Variants in BCAS3 observed in about 807,000 individuals in gnomAD.
BCAS3 encodes the protein BCAS3 microtubule associated cell migration factor.
A neutral mutation model predicts 116.1 loss-of-function variants in BCAS3; 53 were observed. The ratio of observed to expected loss-of-function variants is 0.46; its 90% CI spans 0.37 to 0.57. BCAS3 has a LOEUF of 0.57. BCAS3 is among the 20% of genes least tolerant of loss of function. BCAS3 has a pLI of 0.00. For missense variants in BCAS3, 917 were observed against 1,165.4 expected, an observed-to-expected ratio of 0.79 and a Z score of 3.10; for synonymous variants, 391 against 408.2, an observed-to-expected ratio of 0.96 and a Z score of 0.51.
intron 22 of BCAS3, chr17:61,086,907 T>C (rs1020685895): frequency 1.0e-6 from 1 of 985,408 alleles, no homozygotes. Context: ...TTTGAGTGAA[T>C]AATGTTTTGT....
intron 21 of BCAS3, among the ~76,000 whole-genome samples, chr17:61,079,172 A>T (rs1040726066): frequency 6.6e-6 from 1 of 152,108 alleles, no homozygotes; most frequent in Admixed American, 6.6e-5. Flanking sequence ...AGGGTGCAAC[A>T]GATAATGAAG....
chr17:60,679,963 C>G (rs774646382), intron 2 of BCAS3, among the ~76,000 whole-genome samples: 3 of 151,538 alleles, frequency 2.0e-5, no homozygotes, highest in African/African-American at 7.3e-5. Flanking sequence ...ACGGTGAAAC[C>G]CTGTCTCTAC....
At chr17:60,969,193 G>A (rs953684331) in intron 14 of BCAS3, among the ~76,000 whole-genome samples, 1 of 151,950 alleles carries the variant, frequency 6.6e-6, no homozygotes, top group African/African-American at 2.4e-5. Context: ...ATTTGTTTTT[G>A]GTTTTCTGCA....
rs147576720 is a variant in BCAS3, at chr17:60,796,040, C to T, written c.404-11964C>T. Among the ~76,000 whole-genome samples the T allele has an allele frequency of 7.9e-4, 121 of 152,278 alleles. 2 individuals carry two copies. The East Asian group carries it at 0.013, about 16-fold the overall frequency. On this transcript the variant is annotated intron_variant, in intron 6 of 23. Coordinates refer to ENST00000407086, the MANE Select transcript of BCAS3 (RefSeq NM_017679.5). The stretch of plus-strand genomic sequence containing the variant: ...ATGTGGTGTGTCACTTTTATTGACT[C>T]ACGTATGTTAAACCATCCCTGCATC...
At chr17:61,062,052 C>T (rs1195180804) in intron 19 of BCAS3, among the ~76,000 whole-genome samples, 1 of 152,096 alleles carries the variant, frequency 6.6e-6, no homozygotes, top group Non-Finnish European at 1.5e-5. Context: ...TTTTGTTTAT[C>T]GTTTTCCAAC....
chr17:61,311,252 G>T (rs2054281700), intron 22 of BCAS3, among the ~76,000 whole-genome samples: 1 of 152,180 alleles, frequency 6.6e-6, no homozygotes, highest in Non-Finnish European at 1.5e-5. Flanking sequence ...ACTATACAGA[G>T]AGTCCAGCTT....
At chr17:60,717,954 A>C (rs959462626) in intron 5 of BCAS3, among the ~76,000 whole-genome samples, 8 of 152,212 alleles carry the variant, frequency 5.3e-5, no homozygotes, top group African/African-American at 1.9e-4. Flanking sequence ...GGTGATGGGA[A>C]ACAGTGACAG....
intron 14 of BCAS3, among the ~76,000 whole-genome samples, chr17:60,976,901 A>G (rs1221537356): frequency 6.6e-6 from 1 of 152,090 alleles, no homozygotes; most frequent in Non-Finnish European, 1.5e-5. Flanking sequence ...CCCCTTTTCT[A>G]TTCGACAAAA....
chr17:61,005,284 T>C (rs2064586493), intron 15 of BCAS3, among the ~76,000 whole-genome samples: 1 of 152,104 alleles, frequency 6.6e-6, no homozygotes, highest in Admixed American at 6.6e-5. Flanking sequence ...TTGATTTTTT[T>C]CTTTTTCTTT....
intron 6 of BCAS3, among the ~76,000 whole-genome samples, chr17:60,771,915 A>T (rs1169553388): frequency 6.6e-6 from 1 of 152,168 alleles, no homozygotes; most frequent in Non-Finnish European, 1.5e-5. Context: ...ATAGTATTCC[A>T]TGGTATATAT....
chr17:61,258,775 ACT>A lies in BCAS3; in HGVS notation c.2426-109549_2426-109548del, dbSNP rs1308975313. The stretch of plus-strand genomic sequence containing the variant: ...TAGTTGATTTGGGAAGCCAGGCATC[ACT>A]CTGTGGAAGAACCACAGAACACTAG... On this transcript the variant is annotated intron_variant, in intron 22 of 23. Coordinates refer to ENST00000407086, the MANE Select transcript of BCAS3 (RefSeq NM_017679.5). The surrounding 1 kb of genome is among the most constrained non-coding windows in gnomAD (Gnocchi z 4.7). Among the ~76,000 whole-genome samples the A allele has an allele frequency of 6.6e-6, 1 of 152,316 alleles. No homozygotes were observed. The highest frequency in any genetic ancestry group is 6.5e-5 in the Admixed American group (1 of 15,308).
At chr17:60,968,034 T>C (rs2061752607) in intron 14 of BCAS3, among the ~76,000 whole-genome samples, 1 of 152,142 alleles carries the variant, frequency 6.6e-6, no homozygotes, top group Non-Finnish European at 1.5e-5. Flanking sequence ...GTCAGAGGGC[T>C]CACAGATCAC....
rs559821390 is a variant in BCAS3 at position 60,981,282 on chromosome 17, A to AT, written c.1222-8677dup. Among the ~76,000 whole-genome samples the AT allele has an allele frequency of 7.4e-3, 1,071 of 144,712 alleles. 4 individuals are homozygous for AT. The highest frequency in any genetic ancestry group is 0.015 in the Middle Eastern group (4 of 268). 94.9% of individuals were successfully genotyped at this position (144,712 alleles called of 152,430 possible). A position where few individuals can be genotyped will look rare whatever the true frequency, so the allele number is the denominator to read the frequency against. The stretch of plus-strand genomic sequence containing the variant: ...TTGTAGATGATAGTGTTTTAAGTGT[A>AT]TTTTTTTTTTTTCTTGAGACAGGGT... On this transcript the variant is annotated intron_variant, in intron 14 of 23. Transcript: ENST00000407086.
chr17:61,391,872 A>G lies in BCAS3; in HGVS notation c.2594-105A>G, dbSNP rs542311772. The stretch of plus-strand genomic sequence containing the variant: ...GGGGATCCCCCTGCGGAAGGACACA[A>G]GTGAACCCAGAATGGTGCCTCAAGG... On this transcript the variant is annotated intron_variant, in intron 23 of 23. Transcript: ENST00000407086. This position sits in a 1 kb window ranked among gnomAD's most constrained non-coding sequence, Gnocchi z 7.7. The G allele has an allele frequency of 3.8e-4, 486 of 1,282,990 alleles. 1 individual carries two copies. Among genetic ancestry groups the G allele is most frequent in the Non-Finnish European group, 5.1e-4 (469 of 921,246 alleles). 79.5% of individuals were successfully genotyped at this position (1,282,990 alleles called of 1,614,324 possible).
intron 6 of BCAS3, among the ~76,000 whole-genome samples, chr17:60,751,559 T>TCA (rs1269344822): frequency 1.6e-4 from 23 of 142,856 alleles, no homozygotes; most frequent in Admixed American, 1.4e-3. Context: ...TTTTTTTTTT[T>TCA]GAGATGGAGT....
intron 22 of BCAS3, among the ~76,000 whole-genome samples, chr17:61,357,733 T>C (rs1311073765): frequency 4.7e-5 from 7 of 147,858 alleles, no homozygotes; most frequent in Non-Finnish European, 1.0e-4. Context: ...TGAGCCACCA[T>C]GCCCGGCCAA....
At chr17:61,334,709 C>G (rs916279659) in intron 22 of BCAS3, among the ~76,000 whole-genome samples, 4 of 150,028 alleles carry the variant, frequency 2.7e-5, no homozygotes, top group Non-Finnish European at 4.4e-5. Flanking sequence ...AACGATGTAT[C>G]CAGTCATTGA....
chr17:61,089,770 G>A (rs1452099732), intron 22 of BCAS3, among the ~76,000 whole-genome samples: 2 of 151,538 alleles, frequency 1.3e-5, no homozygotes, highest in Admixed American at 1.3e-4. Context: ...GACCTCAGGT[G>A]ATCCACCCAC....
intron 21 of BCAS3, among the ~76,000 whole-genome samples, chr17:61,081,491 A>T (rs2072603400): frequency 6.6e-6 from 1 of 152,224 alleles, no homozygotes; most frequent in Non-Finnish European, 1.5e-5. Flanking sequence ...AATCTAAATG[A>T]CTTTAAATTG....
Sources: allele counts gnomAD v4.1 joint callset (sites outside exome capture counted in the v4.1 genomes callset), GRCh38; gene constraint gnomAD v4.1.1; non-coding constraint Gnocchi (gnomAD v3.1); transcripts MANE v1.5; gene names NCBI Gene and HGNC (gene_info 2026-07-23, HGNC 2026-07-21).